OR8D2: variants seen among roughly 807,000 people sequenced by gnomAD.
OR8D2 encodes olfactory receptor family 8 subfamily D member 2, also known as olfactory receptor 8D2.
For missense variants in OR8D2, 350 were observed against 369.8 expected, an observed-to-expected ratio of 0.95 and a Z score of 0.44; for synonymous variants, 156 against 140.3, an observed-to-expected ratio of 1.11 and a Z score of -0.79.
Position 124,319,479 on chromosome 11 carries a change from G to C in OR8D2, c.719C>G (p.Thr240Ser). ...STEGQSKAFG[T>S]CSSHLLAVGI... ...CACAGCCAAGAGATGGGAGCTACAA[G>C]TGCCAAAGGCTTTGGATTGCCCCTC... is the stretch of plus-strand genomic sequence containing the variant. The change falls in exon 1 of 1, where the codon ACT (threonine) becomes AGT (serine). Residue 240 changes from threonine to serine, a missense_variant. By Grantham distance (58) the Thr-to-Ser change is moderately conservative. Transcript: ENST00000624618. 3.1e-6 allele frequency: 5 copies of C among 1,613,424 alleles called. No individual in the cohort carries two copies. The highest frequency in any genetic ancestry group is 4.2e-6 in the Non-Finnish European group (5 of 1,179,710).
chr11:124,320,108 C>G lies in OR8D2; in HGVS notation c.90G>C (p.Leu30=). The G allele has an allele frequency of 6.2e-7, 1 of 1,613,726 alleles. No homozygotes were observed. Among genetic ancestry groups the G allele is most frequent in the Non-Finnish European group, 8.5e-7 (1 of 1,179,806 alleles). The change falls in exon 1 of 1, where the codon CTG becomes CTC. Residue 30 remains leucine, a synonymous_variant. Coordinates refer to ENST00000624618, the MANE Select transcript of OR8D2 (RefSeq NM_001002918.1). ...CTGTGACCACATATATTCCAAGGAA[C>G]AGGAGGAAGAGTGGCAGTTGAAGTT... The part of the protein sequence containing the change: ...RPELQLPLFL[L]FLGIYVVTVV...
In OR8D2 at chr11:124,319,606, G is replaced by T. The variant is rs1320970922; in HGVS notation, c.592C>A (p.Leu198Met). The T allele has an allele frequency of 1.1e-5, 17 of 1,613,658 alleles. No homozygotes were observed. The highest frequency in any genetic ancestry group is 1.3e-5 in the Non-Finnish European group (15 of 1,179,794). The change falls in exon 1 of 1, where the codon CTG becomes ATG. Residue 198 changes from leucine to methionine, a missense_variant. Transcript: ENST00000624618. Reference protein sequence around the residue: ...SCSSTHINEILLFIIGGVNTL... With the variant: ...SCSSTHINEIMLFIIGGVNTL... ...TTAACTCCTCCAATAATGAACAGCAGAATCTCATTGATGTGGGTGCTGGAG... is the reference window on the plus strand; with the variant it reads ...TTAACTCCTCCAATAATGAACAGCATAATCTCATTGATGTGGGTGCTGGAG...
Position 124,319,619 on chromosome 11 carries a change from G to T in OR8D2, c.579C>A (p.His193Gln), listed in dbSNP as rs1453474696. 1 of 1,613,570 alleles carries T rather than the reference G, an allele frequency of 6.2e-7. No homozygotes were observed. The highest frequency in any genetic ancestry group is 1.3e-5 in the African/African-American group (1 of 74,904). Residue 193 changes from histidine to glutamine, a missense_variant, in exon 1 of 1, where the codon CAC (histidine) becomes CAA (glutamine). Coordinates refer to ENST00000624618, the MANE Select transcript of OR8D2 (RefSeq NM_001002918.1). The stretch of plus-strand genomic sequence containing the variant: ...TAATGAACAGCAGAATCTCATTGAT[G>T]TGGGTGCTGGAGCAAGACAGAGTCA... ...PLLTLSCSST[H>Q]INEILLFIIG...
rs980683874 is a variant in OR8D2 at position 124,320,032 on chromosome 11, A to G, written c.166T>C (p.Tyr56His). Reference sequence around the variant, plus strand: ...CTGAGAAAATAATACACTGGAGGGTAAAGTTGAGAACTGAGAGCAATTAAG... The same window carrying G: ...CTGAGAAAATAATACACTGGAGGGTGAAGTTGAGAACTGAGAGCAATTAAG... ...IFLIALSSQL[Y>H]PPVYYFLSHL... The change falls in exon 1 of 1, where the codon TAC becomes CAC. Residue 56 changes from tyrosine (Y) to histidine (H), a missense_variant. Tyr to His is a moderately conservative substitution (Grantham distance 83). Transcript: ENST00000624618. The G allele has an allele frequency of 6.2e-7, 1 of 1,613,812 alleles. No homozygotes were observed. The highest frequency in any genetic ancestry group is 8.5e-7 in the Non-Finnish European group (1 of 1,179,864).
At position 124,319,372 on chromosome 11, in the gene OR8D2, C is replaced by T. The variant is rs1264238960; in HGVS notation, c.826G>A (p.Val276Met). The change falls in exon 1 of 1, where the codon GTG becomes ATG. Residue 276 changes from valine (V) to methionine (M), a missense_variant. Coordinates refer to ENST00000624618, the MANE Select transcript of OR8D2 (RefSeq NM_001002918.1). ...TTMEKEKVSS[V>M]FYITIIPMLN... The stretch of plus-strand genomic sequence containing the variant: ...ATGGGGATTATTGTGATGTAGAACA[C>T]AGAAGACACCTTCTCTTTTTCCATA... 1 of 1,607,292 alleles carries T rather than the reference C, an allele frequency of 6.2e-7. No homozygotes were observed. The highest frequency in any genetic ancestry group is 8.5e-7 in the Non-Finnish European group (1 of 1,177,778).
chr11:124,319,639 G>C lies in OR8D2; in HGVS notation c.559C>G (p.Leu187Val). The change falls in exon 1 of 1, where the codon CTG becomes GTG. Residue 187 changes from leucine (L) to valine (V), a missense_variant. Transcript: ENST00000624618. ...YFCDILPLLT[L>V]SCSSTHINEI... ...TTGATGTGGGTGCTGGAGCAAGACAGAGTCAATAAGGGGAGAATATCACAA... is the reference window on the plus strand; with the variant it reads ...TTGATGTGGGTGCTGGAGCAAGACACAGTCAATAAGGGGAGAATATCACAA... 6.2e-7 allele frequency: 1 copy of C among 1,613,712 alleles called. No individual in the cohort carries two copies. The highest frequency in any genetic ancestry group is 8.5e-7 in the Non-Finnish European group (1 of 1,179,864).
In OR8D2 at chr11:124,319,469, G is replaced by A. The variant is rs1862498913; in HGVS notation, c.729C>T (p.Ser243=). 3.1e-6 allele frequency: 5 copies of A among 1,612,926 alleles called. No individual in the cohort carries two copies. Among genetic ancestry groups the A allele is most frequent in the Non-Finnish European group, 4.2e-6 (5 of 1,179,456 alleles). ...AAAAGATGCCCACAGCCAAGAGATG[G>A]GAGCTACAAGTGCCAAAGGCTTTGG... ...GQSKAFGTCS[S]HLLAVGIFFG... Residue 243 remains serine, a synonymous_variant, in exon 1 of 1, where the codon TCC becomes TCT. Coordinates refer to ENST00000624618, the MANE Select transcript of OR8D2 (RefSeq NM_001002918.1).
chr11:124,319,278 C>T lies in OR8D2; in HGVS notation c.920G>A (p.Gly307Glu). The change falls in exon 1 of 1, where the codon GGA becomes GAA. Residue 307 changes from glycine (G) to glutamate (E), a missense_variant. Coordinates refer to ENST00000624618, the MANE Select transcript of OR8D2 (RefSeq NM_001002918.1). ...CCCTCTTTGTCAGGATGACTGCCTTCCCCTAGTCATCTTCTTCAGTGCATT... is the reference window on the plus strand; with the variant it reads ...CCCTCTTTGTCAGGATGACTGCCTTTCCCTAGTCATCTTCTTCAGTGCATT... ...VKNALKKMTR[G>E]RQSS The T allele has an allele frequency of 1.3e-6, 2 of 1,503,200 alleles. No individual in the cohort carries two copies. 93.1% of individuals were successfully genotyped at this position (1,503,200 alleles called of 1,614,324 possible).
chr11:124,319,630 A>C lies in OR8D2; in HGVS notation c.568T>G (p.Ser190Ala), dbSNP rs1862501162. Reference protein sequence around the residue: ...DILPLLTLSCSSTHINEILLF... With the variant: ...DILPLLTLSCASTHINEILLF... ...AGAATCTCATTGATGTGGGTGCTGG[A>C]GCAAGACAGAGTCAATAAGGGGAGA... Residue 190 changes from serine to alanine, a missense_variant, in exon 1 of 1, where the codon TCC (serine) becomes GCC (alanine). Transcript: ENST00000624618. 6 of 1,613,756 alleles carry C rather than the reference A, an allele frequency of 3.7e-6. No individual in the cohort carries two copies. The highest frequency in any genetic ancestry group is 4.2e-6 in the Non-Finnish European group (5 of 1,179,838).
chr11:124,319,308 A>G lies in OR8D2; in HGVS notation c.890T>C (p.Val297Ala), dbSNP rs755327113. The part of the protein sequence containing the change: ...PLIYSLRNKD[V>A]KNALKKMTRG... ...AGTCATCTTCTTCAGTGCATTTTTC[A>G]CATCCTTGTTCCTCAGGCTATAGAT... Residue 297 changes from valine to alanine, a missense_variant, in exon 1 of 1, where the codon GTG becomes GCG. Physicochemically the swap from Val to Ala is moderately conservative, Grantham distance 64. Transcript: ENST00000624618. 6.5e-7 allele frequency: 1 copy of G among 1,531,916 alleles called. No homozygotes were observed. The highest frequency in any genetic ancestry group is 1.3e-5 in the South Asian group (1 of 75,868). 94.9% of individuals were successfully genotyped at this position (1,531,916 alleles called of 1,614,324 possible).
rs1283130201 is a variant in OR8D2 at position 124,320,079 on chromosome 11, A to C, written c.119T>G (p.Val40Gly). 3 of 1,613,648 alleles carry C rather than the reference A, an allele frequency of 1.9e-6. No individual in the cohort carries two copies. In the African/African-American group the frequency reaches 4.0e-5, roughly 22 times the overall value. The change falls in exon 1 of 1, where the codon GTG (valine) becomes GGG (glycine). Residue 40 changes from valine to glycine, a missense_variant. Val to Gly is a moderately radical substitution (Grantham distance 109). Coordinates refer to ENST00000624618, the MANE Select transcript of OR8D2 (RefSeq NM_001002918.1). ...LFLGIYVVTV[V>G]GNLGMIFLIA... ...TAAGAAGATCATGCCCAGGTTCCCCACCACTGTGACCACATATATTCCAAG... is the reference window on the plus strand; with the variant it reads ...TAAGAAGATCATGCCCAGGTTCCCCCCCACTGTGACCACATATATTCCAAG...
At position 124,319,817 on chromosome 11, in the gene OR8D2, A is replaced by T. The variant is rs1162805103; in HGVS notation, c.381T>A (p.Cys127Ter). The T allele has an allele frequency of 6.2e-7, 1 of 1,613,598 alleles. No individual in the cohort carries two copies. Among genetic ancestry groups the T allele is most frequent in the Non-Finnish European group, 8.5e-7 (1 of 1,179,874 alleles). The change falls in exon 1 of 1, where the codon TGT becomes TGA. Residue 127 changes from cysteine to a stop codon, truncating the protein, a stop_gained. Transcript: ENST00000624618. LOFTEE classifies it low-confidence loss of function (END_TRUNC). Reference protein sequence around the residue: ...AMEYDRYVAICRPLLYNIVMS... With the variant: ...AMEYDRYVAI ...TGACAATATTGTAAAGCAGTGGGCG[A>T]CAGATAGCAACATAACGGTCATATT...
chr11:124,319,837 C>A lies in OR8D2; in HGVS notation c.361G>T (p.Asp121Tyr). The A allele has an allele frequency of 6.2e-7, 1 of 1,613,476 alleles. No homozygotes were observed. Reference protein sequence around the residue: ...EGYLLTAMEYDRYVAICRPLL... With the variant: ...EGYLLTAMEYYRYVAICRPLL... ...GGGCGACAGATAGCAACATAACGGT[C>A]ATATTCCATGGCTGTCAGAAGGTAG... Residue 121 changes from aspartate to tyrosine, a missense_variant, in exon 1 of 1, where the codon GAC (aspartate) becomes TAC (tyrosine). Transcript: ENST00000624618.
Position 124,320,148 on chromosome 11 carries a change from A to G in OR8D2, c.50T>C (p.Leu17Ser), listed in dbSNP as rs985603307. The change falls in exon 1 of 1, where the codon TTG (leucine) becomes TCG (serine). Residue 17 changes from leucine to serine, a missense_variant. By Grantham distance (145) the Leu-to-Ser change is moderately radical. Transcript: ENST00000624618. Reference protein sequence around the residue: ...SSGAEFILAGLTQRPELQLPL... With the variant: ...SSGAEFILAGSTQRPELQLPL... Reference sequence around the variant, plus strand: ...CAGTTGAAGTTCTGGGCGTTGTGTCAAGCCTGCCAGGATAAACTCAGCCCC... The same window carrying G: ...CAGTTGAAGTTCTGGGCGTTGTGTCGAGCCTGCCAGGATAAACTCAGCCCC... 4 of 1,612,938 alleles carry G rather than the reference A, an allele frequency of 2.5e-6. No homozygotes were observed. The highest frequency in any genetic ancestry group is 3.4e-6 in the Non-Finnish European group (4 of 1,179,452).
Position 124,319,498 on chromosome 11 carries a change from G to T in OR8D2, c.700C>A (p.Gln234Lys), listed in dbSNP as rs767840934. 32 of 1,613,662 alleles carry T rather than the reference G, an allele frequency of 2.0e-5. No individual in the cohort carries two copies. The highest frequency in any genetic ancestry group is 2.7e-5 in the Non-Finnish European group (32 of 1,179,858). Residue 234 changes from glutamine (Q) to lysine (K), a missense_variant, in exon 1 of 1, where the codon CAA becomes AAA. By Grantham distance (53) the Gln-to-Lys change is moderately conservative (BLOSUM62 1). Transcript: ENST00000624618. ...SILGIHSTEG[Q>K]SKAFGTCSSH... ...CTACAAGTGCCAAAGGCTTTGGATT[G>T]CCCCTCAGTGGAATGAATACCAAGG...
rs1169986882 is a variant in OR8D2 at position 124,319,546 on chromosome 11, A to G, written c.652T>C (p.Tyr218His). ...LATTLAVLIS[Y>H]AFIFSSILGI... ...AGGATACTAGAGAAAATGAAAGCAT[A>G]AGAGATAAGGACCGCCAGTGTAGTT... Residue 218 changes from tyrosine to histidine, a missense_variant, in exon 1 of 1, where the codon TAT becomes CAT. Transcript: ENST00000624618. 6.2e-7 allele frequency: 1 copy of G among 1,613,774 alleles called. No individual in the cohort carries two copies. Among genetic ancestry groups the G allele is most frequent in the African/African-American group, 1.3e-5 (1 of 74,926 alleles).
In OR8D2 at chr11:124,319,564, G is replaced by A. The variant is rs367817948; in HGVS notation, c.634C>T (p.Leu212=). ...AAAGCATAAGAGATAAGGACCGCCA[G>A]TGTAGTTGCTAAGGTATTAACTCCT... ...IGGVNTLATT[L]AVLISYAFIF... is the part of the protein sequence containing the mutation. Residue 212 remains leucine (L), a synonymous_variant, in exon 1 of 1, where the codon CTG becomes TTG. Transcript: ENST00000624618. 1.2e-5 allele frequency: 19 copies of A among 1,613,768 alleles called. No homozygotes were observed. In the African/African-American group the frequency reaches 2.4e-4, roughly 20 times the overall value.
chr11:124,319,367 G>C lies in OR8D2; in HGVS notation c.831C>G (p.Phe277Leu). 6.2e-7 allele frequency: 1 copy of C among 1,606,206 alleles called. No homozygotes were observed. Residue 277 changes from phenylalanine (F) to leucine (L), a missense_variant, in exon 1 of 1, where the codon TTC becomes TTG. Coordinates refer to ENST00000624618, the MANE Select transcript of OR8D2 (RefSeq NM_001002918.1). ...TCAGCATGGGGATTATTGTGATGTA[G>C]AACACAGAAGACACCTTCTCTTTTT... is the stretch of plus-strand genomic sequence containing the variant. Reference protein sequence around the residue: ...TMEKEKVSSVFYITIIPMLNP... With the variant: ...TMEKEKVSSVLYITIIPMLNP...
rs371355092 is a variant in OR8D2, at chr11:124,319,463, G to C, written c.735C>G (p.Leu245=). 14 of 1,612,542 alleles carry C rather than the reference G, an allele frequency of 8.7e-6. No individual in the cohort carries two copies. Among genetic ancestry groups the C allele is most frequent in the Non-Finnish European group, 1.2e-5 (14 of 1,179,386 alleles). The change falls in exon 1 of 1, where the codon CTC becomes CTG. Residue 245 remains leucine, a synonymous_variant. Transcript: ENST00000624618. Reference sequence around the variant, plus strand: ...ACCCAAAAAAGATGCCCACAGCCAAGAGATGGGAGCTACAAGTGCCAAAGG... The same window carrying C: ...ACCCAAAAAAGATGCCCACAGCCAACAGATGGGAGCTACAAGTGCCAAAGG... ...SKAFGTCSSH[L]LAVGIFFGSI...
Sources: gnomAD v4.1 joint callset for allele counts on GRCh38, gnomAD v4.1.1 for gene constraint, MANE v1.5 for transcripts, NCBI Gene and HGNC (gene_info 2026-07-23, HGNC 2026-07-21) for gene names.